Variants in CC2D2A observed in about 807,000 individuals in gnomAD.
CC2D2A encodes the protein coiled-coil and C2 domain containing 2A, also known as coiled-coil and C2 domain-containing protein 2A.
A neutral mutation model predicts 212.9 loss-of-function variants in CC2D2A; 155 were observed. That is an observed-to-expected ratio of 0.73 (90% CI 0.64 to 0.83). The LOEUF (loss-of-function observed/expected upper bound fraction) is 0.83, where lower values mean the gene tolerates loss of function less well. CC2D2A is among the 40% of genes least tolerant of loss of function. The pLI, the probability that CC2D2A is intolerant of heterozygous loss-of-function variation, is 0.00. For synonymous variants in CC2D2A, 667 were observed against 686.5 expected, an observed-to-expected ratio of 0.97 and a Z score of 0.44; for missense variants, 1,856 against 1,956.2, an observed-to-expected ratio of 0.95 and a Z score of 0.97.
chr4:15,595,075 A>G (rs1721262777), intron 33 of CC2D2A, among the ~76,000 whole-genome samples: 1 of 152,064 alleles, frequency 6.6e-6, no homozygotes, highest in African/African-American at 2.4e-5. Context: ...TTGGCCTCCC[A>G]AACTGCTGGG....
intron 8 of CC2D2A, among the ~76,000 whole-genome samples, chr4:15,512,520 A>C (rs887422708): frequency 6.6e-6 from 1 of 150,444 alleles, no homozygotes; most frequent in Non-Finnish European, 1.5e-5. Flanking sequence ...ATAGAGACAG[A>C]AAGTAGAATG....
rs1305639148 is a variant in CC2D2A at position 15,504,144 on chromosome 4, G to T, written c.438+1221G>T. 5.3e-5 allele frequency among the ~76,000 whole-genome samples: 8 copies of T among 152,260 alleles called. No individual in the cohort carries two copies. The East Asian group carries it at 7.7e-4, about 15-fold the overall frequency. Reference sequence around the variant, plus strand: ...ATGATGCCTTTTCTTTTTCTGTGATGAGGTGTTATAAAATGTTACCTATAT... The same window carrying T: ...ATGATGCCTTTTCTTTTTCTGTGATTAGGTGTTATAAAATGTTACCTATAT... On this transcript the variant is annotated intron_variant, in intron 6 of 36. Transcript: ENST00000424120.
At chr4:15,599,422 C>G (rs565848662) in intron 35 of CC2D2A, 107 bp from the exon 36 acceptor site, 1 of 701,364 alleles carries the variant, frequency 1.4e-6, no homozygotes, top group African/African-American at 1.8e-5. Flanking sequence ...ACTCCATCAA[C>G]AAAAATATAG....
intron 13 of CC2D2A, among the ~76,000 whole-genome samples, chr4:15,531,135 T>G (rs1026606571): frequency 1.3e-5 from 2 of 152,168 alleles, no homozygotes; most frequent in African/African-American, 4.8e-5. Context: ...CATTTGCTAT[T>G]CATACTATCT....
intron 11 of CC2D2A, 66 bp downstream of exon 11, chr4:15,516,822 T>A: frequency 6.7e-7 from 1 of 1,500,826 alleles, no homozygotes; most frequent in Non-Finnish European, 9.0e-7. Flanking sequence ...CTGAATAGCT[T>A]GGGGTGCTAT....
intron 11 of CC2D2A, among the ~76,000 whole-genome samples, chr4:15,518,828 T>A (rs1406226617): frequency 6.6e-6 from 1 of 152,214 alleles, no homozygotes; most frequent in Non-Finnish European, 1.5e-5. Context: ...ACACAGGGCA[T>A]CAAGTCCCTA....
At chr4:15,495,115 C>CT (rs1011960163) in intron 4 of CC2D2A, among the ~76,000 whole-genome samples, 45 of 151,400 alleles carry the variant, frequency 3.0e-4, no homozygotes, top group African/African-American at 6.8e-4. Context: ...GTTTCTTTTT[C>CT]TTTTTTTTTG....
intron 35 of CC2D2A, among the ~76,000 whole-genome samples, chr4:15,598,707 C>A (rs143514873): frequency 9.2e-5 from 14 of 152,208 alleles, no homozygotes; most frequent in African/African-American, 3.4e-4. Flanking sequence ...AATTAATCAT[C>A]ATGGATAGAA....
Position 15,472,647 on chromosome 4 carries a change from G to GT in CC2D2A, c.-19+2604dup, listed in dbSNP as rs35304734. Among the ~76,000 whole-genome samples the GT allele has an allele frequency of 8.0e-3, 1,113 of 138,850 alleles. 18 individuals carry two copies. The highest frequency in any genetic ancestry group is 0.028 in the African/African-American group (1,071 of 38,188). 91.1% of individuals were successfully genotyped at this position (138,850 alleles called of 152,430 possible). ...TTTTAGTTACTAAAATGTTTCACAG[G>GT]TTTTTTTTTTTTTTCAGTTTGCAAT... On this transcript the variant is annotated intron_variant, in intron 1 of 36. Coordinates refer to ENST00000424120, the MANE Select transcript of CC2D2A (RefSeq NM_001378615.1).
At chr4:15,570,291 T>C in intron 27 of CC2D2A, 107 bp from the exon 28 acceptor site, 1 of 642,496 alleles carries the variant, frequency 1.6e-6, no homozygotes, top group Non-Finnish European at 2.7e-6. Context: ...CTATCTAATA[T>C]AAGTTCATAT....
At chr4:15,570,283 A>G (rs1164928499) in intron 27 of CC2D2A, 115 bp from the exon 28 acceptor site, 3 of 613,880 alleles carry the variant, frequency 4.9e-6, no homozygotes, top group South Asian at 4.6e-5. Context: ...GATTAGGTCT[A>G]TCTAATATAA....
chr4:15,474,993 T>G (rs2108964338), intron 1 of CC2D2A, among the ~76,000 whole-genome samples: 1 of 152,314 alleles, frequency 6.6e-6, no homozygotes, highest in South Asian at 2.1e-4. Flanking sequence ...GGGCTTTTTT[T>G]GGCCGGGCAC....
intron 28 of CC2D2A, among the ~76,000 whole-genome samples, chr4:15,571,156 T>C (rs1039065146): frequency 3.3e-5 from 5 of 152,096 alleles, no homozygotes; most frequent in South Asian, 2.1e-4. Context: ...ACAACAAAGG[T>C]GGAATGGATA....
At chr4:15,600,335 T>C (rs765095325) in intron 36 of CC2D2A, among the ~76,000 whole-genome samples, 3 of 152,218 alleles carry the variant, frequency 2.0e-5, no homozygotes, top group Non-Finnish European at 4.4e-5. Context: ...TCTACTGGCT[T>C]AAGTAAAGCT....
intron 18 of CC2D2A, among the ~76,000 whole-genome samples, chr4:15,551,365 A>G (rs959300405): frequency 1.3e-5 from 2 of 152,206 alleles, no homozygotes; most frequent in African/African-American, 2.4e-5. Context: ...TAACAGGGAG[A>G]TTTTTAATTA....
intron 8 of CC2D2A, among the ~76,000 whole-genome samples, chr4:15,513,719 G>A (rs1024736038): frequency 3.3e-5 from 5 of 152,210 alleles, no homozygotes; most frequent in Admixed American, 6.5e-5. Context: ...TGCTCACCAC[G>A]AAGCAGAGGT....
chr4:15,585,772 T>G (rs1203866206), intron 30 of CC2D2A, among the ~76,000 whole-genome samples: 1 of 152,196 alleles, frequency 6.6e-6, no homozygotes, highest in Non-Finnish European at 1.5e-5. Context: ...GGGAACCACA[T>G]GTCTTGGTTC....
chr4:15,514,890 C>T, intron 9 of CC2D2A, 21 bp downstream of exon 9: 1 of 1,610,050 alleles, frequency 6.2e-7, no homozygotes, highest in Non-Finnish European at 8.5e-7. Flanking sequence ...TTTTTATTTT[C>T]TTGTTCAGCT....
intron 28 of CC2D2A, among the ~76,000 whole-genome samples, chr4:15,572,912 T>TG (rs1475810010): frequency 6.6e-6 from 1 of 152,040 alleles, no homozygotes; most frequent in Non-Finnish European, 1.5e-5. Context: ...CTGAAGAACT[T>TG]GGAGTCTAAT....
Sources: allele counts gnomAD v4.1 joint callset (sites outside exome capture counted in the v4.1 genomes callset), GRCh38; gene constraint gnomAD v4.1.1; transcripts MANE v1.5; gene names NCBI Gene and HGNC (gene_info 2026-07-23, HGNC 2026-07-21).